PROM1: variants seen among roughly 807,000 people sequenced by gnomAD.
The protein encoded by PROM1 is prominin 1.
In PROM1, 105 loss-of-function variants were observed where a neutral mutation model predicts 116.9. That is an observed-to-expected ratio of 0.90 (90% CI 0.77 to 1.06). The LOEUF is 1.06. Among genes scored for constraint, PROM1 ranks in the 50% least tolerant of loss-of-function variants. PROM1 has a pLI of 0.00. For synonymous variants in PROM1, 393 were observed against 387.0 expected, an observed-to-expected ratio of 1.02 and a Z score of -0.18; for missense variants, 1,122 against 1,045.2, an observed-to-expected ratio of 1.07 and a Z score of -1.01.
intron 2 of PROM1, 89 bp from the exon 3 acceptor site, chr4:16,039,090 A>G: frequency 9.5e-7 from 1 of 1,047,250 alleles, no homozygotes; most frequent in Non-Finnish European, 1.3e-6. Flanking sequence ...ATGCTTAAAA[A>G]TTATTATACC....
At chr4:16,054,733 T>G (rs1027623854) in intron 2 of PROM1, among the ~76,000 whole-genome samples, 1 of 152,150 alleles carries the variant, frequency 6.6e-6, no homozygotes, top group Admixed American at 6.5e-5. Context: ...ATGAGACCCC[T>G]TCAATCCAGC....
chr4:16,077,773 A>G (rs933888563), intron 1 of PROM1, among the ~76,000 whole-genome samples: 2 of 152,172 alleles, frequency 1.3e-5, no homozygotes, highest in Non-Finnish European at 2.9e-5. Flanking sequence ...AATCCAGTAC[A>G]TGCTTATATG....
intron 12 of PROM1, among the ~76,000 whole-genome samples, chr4:16,008,347 G>A (rs931925090): frequency 2.6e-5 from 4 of 152,122 alleles, no homozygotes; most frequent in African/African-American, 4.8e-5. Context: ...CCCACCACTC[G>A]CATTTTCTAA....
At chr4:16,004,941 TTTTC>T (rs1343384225) in intron 13 of PROM1, among the ~76,000 whole-genome samples, 2 of 135,762 alleles carry the variant, frequency 1.5e-5, no homozygotes, top group African/African-American at 5.5e-5. Flanking sequence ...CTCTTTCTTT[TTTTC>T]TTTATTTCTC....
At chr4:16,016,113 C>A in intron 10 of PROM1, 53 bp downstream of exon 10, 1 of 1,437,124 alleles carries the variant, frequency 7.0e-7, no homozygotes, top group Non-Finnish European at 9.6e-7. Context: ...ATGTACTAGT[C>A]CACCCTTTAA....
intron 26 of PROM1, among the ~76,000 whole-genome samples, chr4:15,977,976 G>T (rs567539098): frequency 6.6e-6 from 1 of 151,998 alleles, no homozygotes; most frequent in Non-Finnish European, 1.5e-5. Flanking sequence ...ATACATTGAC[G>T]TCATAATCAC....
At chr4:16,001,456 G>A (rs376808321) in intron 13 of PROM1, among the ~76,000 whole-genome samples, 4 of 152,264 alleles carry the variant, frequency 2.6e-5, no homozygotes, top group African/African-American at 9.6e-5. Context: ...AACAGCCTAG[G>A]GCTGGGTCTG....
chr4:16,004,827 C>CTTTCTTTCTTTCTTTCT (rs369019851), intron 13 of PROM1, among the ~76,000 whole-genome samples: 5 of 123,722 alleles, frequency 4.0e-5, no homozygotes, highest in African/African-American at 1.3e-4. Context: ...TTCTTTCTTT[C>CTTTCTTTCTTTCTTTCT]TTTTTCTTCC....
intron 26 of PROM1, among the ~76,000 whole-genome samples, chr4:15,975,485 C>T (rs1313601730): frequency 6.6e-6 from 1 of 152,220 alleles, no homozygotes; most frequent in Admixed American, 6.5e-5. Flanking sequence ...TCCCAAAGTG[C>T]TGGGATTACA....
At chr4:15,989,901 G>C (rs1176435599) in intron 18 of PROM1, 77 bp from the exon 19 acceptor site, 1 of 1,168,804 alleles carries the variant, frequency 8.6e-7, no homozygotes, top group Non-Finnish European at 1.2e-6. Context: ...CAGGGGCCCT[G>C]TGTAGCCAGG....
intron 1 of PROM1, chr4:16,078,337 A>T (rs536720779): frequency 6.6e-6 from 1 of 152,432 alleles, no homozygotes; most frequent in African/African-American, 2.4e-5. Context: ...AGAGTCACCA[A>T]TGCATGTAAC....
At chr4:15,995,163 G>A (rs1721997759) in intron 15 of PROM1, among the ~76,000 whole-genome samples, 1 of 152,168 alleles carries the variant, frequency 6.6e-6, no homozygotes, top group Non-Finnish European at 1.5e-5. Flanking sequence ...TGGGGGATGG[G>A]CACTGGACAC....
intron 2 of PROM1, among the ~76,000 whole-genome samples, chr4:16,047,174 T>C (rs1736744089): frequency 6.6e-6 from 1 of 152,120 alleles, no homozygotes; most frequent in Admixed American, 6.6e-5. Flanking sequence ...TTCAACTGAT[T>C]GGATGAGGCC....
At chr4:16,012,316 C>T (rs571875002) in intron 11 of PROM1, among the ~76,000 whole-genome samples, 1 of 152,228 alleles carries the variant, frequency 6.6e-6, no homozygotes, top group South Asian at 2.1e-4. Flanking sequence ...CTTCTCCAAG[C>T]AAATAATCCA....
At chr4:16,059,988 T>C (rs565391272) in intron 2 of PROM1, among the ~76,000 whole-genome samples, 13 of 152,190 alleles carry the variant, frequency 8.5e-5, no homozygotes, top group African/African-American at 3.1e-4. Context: ...TGCCAAGTAA[T>C]ATATACAGTA....
At chr4:16,036,111 A>T (rs1429217792) in intron 3 of PROM1, among the ~76,000 whole-genome samples, 2 of 152,230 alleles carry the variant, frequency 1.3e-5, no homozygotes, top group Non-Finnish European at 2.9e-5. Flanking sequence ...AGAGAATCAG[A>T]TCTGAGAACT....
intron 2 of PROM1, among the ~76,000 whole-genome samples, chr4:16,061,432 A>C (rs1554243): frequency 2.0e-5 from 3 of 151,978 alleles, no homozygotes; most frequent in African/African-American, 7.3e-5. Context: ...GAATCTTCAT[A>C]ATTAAATAGA....
intron 5 of PROM1, among the ~76,000 whole-genome samples, chr4:16,029,486 T>C (rs1158206039): frequency 1.3e-5 from 2 of 151,380 alleles, no homozygotes; most frequent in African/African-American, 4.9e-5. Flanking sequence ...CAGTGAGGGG[T>C]GGAAATTCGA....
intron 18 of PROM1, among the ~76,000 whole-genome samples, 192 bp from the exon 19 acceptor site, chr4:15,990,016 C>T (rs1176635096): frequency 1.3e-5 from 2 of 152,124 alleles, no homozygotes; most frequent in Non-Finnish European, 1.5e-5. Flanking sequence ...GAACCATGGA[C>T]TCTCAGCAAT....
Sources: allele counts gnomAD v4.1 joint callset (sites outside exome capture counted in the v4.1 genomes callset), GRCh38; gene constraint gnomAD v4.1.1; transcripts MANE v1.5; gene names NCBI Gene and HGNC (gene_info 2026-07-23, HGNC 2026-07-21).